Variants in STAB2 observed in about 807,000 individuals in gnomAD.
STAB2 encodes the protein stabilin 2.
STAB2 carries 288 observed loss-of-function variants against 338.1 expected under a neutral mutation model. That is an observed-to-expected ratio of 0.85 (90% CI 0.77 to 0.94). The LOEUF (loss-of-function observed/expected upper bound fraction) is 0.94. Among genes scored for constraint, STAB2 ranks in the 40% least tolerant of loss-of-function variants. The pLI, the probability that STAB2 is intolerant of heterozygous loss-of-function variation, is 0.00. For missense variants in STAB2, 3,141 were observed against 3,210.1 expected, an observed-to-expected ratio of 0.98 and a Z score of 0.52; for synonymous variants, 1,202 against 1,193.3, an observed-to-expected ratio of 1.01 and a Z score of -0.15.
chr12:103,765,086 CAAAAAAAA>C (rs56002429), intron 68 of STAB2, among the ~76,000 whole-genome samples: 11 of 66,514 alleles, frequency 1.7e-4, no homozygotes, highest in African/African-American at 4.7e-4. Flanking sequence ...GACTCTGTCT[CAAAAAAAA>C]AAAAAAAAAA....
At chr12:103,650,156 C>T (rs748199501) in intron 10 of STAB2, among the ~76,000 whole-genome samples, 6 of 152,080 alleles carry the variant, frequency 3.9e-5, no homozygotes, top group Admixed American at 2.0e-4. Flanking sequence ...CTTTGCTCAC[C>T]GAGACAGTGA....
In STAB2 at chr12:103,637,095, C is replaced by T; in HGVS notation, c.584-16C>T. On this transcript the variant is annotated splice_polypyrimidine_tract_variant and intron_variant, in intron 6 of 68. Coordinates refer to ENST00000388887, the MANE Select transcript of STAB2 (RefSeq NM_017564.10). ...TATTCTACTAATGCAAGTACTTCAA[C>T]AATTTTCCTATGCAGCCATCCCTGA... 6.3e-7 allele frequency: 1 copy of T among 1,590,072 alleles called. No individual in the cohort carries two copies. Among genetic ancestry groups the T allele is most frequent in the African/African-American group, 1.4e-5 (1 of 73,732 alleles).
chr12:103,652,794 G>A, intron 12 of STAB2, 89 bp downstream of exon 12: 1 of 1,393,378 alleles, frequency 7.2e-7, no homozygotes. Context: ...TTTGGGGTTT[G>A]TGAAAAATTA....
At position 103,759,215 on chromosome 12, in the gene STAB2, T is replaced by C. The variant is rs774788058; in HGVS notation, c.7190T>C (p.Leu2397Pro). The stretch of plus-strand genomic sequence containing the variant: ...AATGACCTTGTCAATGGCACCACCC[T>C]GCAAACGAGGCTGGGAAGCAAGCTG... ...FYNDLVNGTTLQTRLGSKLLI... is the reference protein window; with the variant it reads ...FYNDLVNGTTPQTRLGSKLLI... The change falls in exon 65 of 69, where the codon CTG becomes CCG. Residue 2397 changes from leucine (L) to proline (P), a missense_variant. Leu to Pro is a moderately conservative substitution (Grantham distance 98). Coordinates refer to ENST00000388887, the MANE Select transcript of STAB2 (RefSeq NM_017564.10). The C allele has an allele frequency of 2.0e-5, 32 of 1,614,048 alleles. No individual in the cohort carries two copies. The highest frequency in any genetic ancestry group is 2.7e-5 in the African/African-American group (2 of 74,902).
intron 31 of STAB2, among the ~76,000 whole-genome samples, chr12:103,694,084 C>T (rs1444959702): frequency 6.6e-6 from 1 of 152,088 alleles, no homozygotes; most frequent in African/African-American, 2.4e-5. Flanking sequence ...CCTTCTCTAT[C>T]TGTCAATTGG....
chr12:103,757,952 T>C, intron 63 of STAB2: 1 of 610,580 alleles, frequency 1.6e-6, no homozygotes, highest in Non-Finnish European at 2.8e-6. Context: ...GGATGGGCTG[T>C]GACGTGGCTG....
At position 103,710,578 on chromosome 12, in the gene STAB2, G is replaced by A. The variant is rs146544317; in HGVS notation, c.4289-893G>A. On this transcript the variant is annotated intron_variant, in intron 39 of 68. Coordinates refer to ENST00000388887, the MANE Select transcript of STAB2 (RefSeq NM_017564.10). ...CCAATTAATTGAAGTTGGCTCAAAGGTTTAGAGCAGGTTCCAGAGAAAAGG... is the reference window on the plus strand; with the variant it reads ...CCAATTAATTGAAGTTGGCTCAAAGATTTAGAGCAGGTTCCAGAGAAAAGG... 1.7e-3 allele frequency among the ~76,000 whole-genome samples: 266 copies of A among 152,296 alleles called. 1 individual carries two copies. Among genetic ancestry groups the A allele is most frequent in the African/African-American group, 5.9e-3 (247 of 41,548 alleles).
intron 5 of STAB2, among the ~76,000 whole-genome samples, chr12:103,626,194 G>A (rs1957378413): frequency 6.6e-6 from 1 of 152,312 alleles, no homozygotes; most frequent in Middle Eastern, 3.4e-3. Context: ...CCATACAGTA[G>A]CCACTAGCCA....
rs1223047808 is a variant in STAB2, at chr12:103,688,044, C to T, written c.2998-124C>T. The T allele has an allele frequency of 1.1e-5, 10 of 887,918 alleles. No individual in the cohort carries two copies. In the East Asian group the frequency reaches 2.2e-4, roughly 19 times the overall value. The allele number at this position is 887,918 out of a possible 1,614,324, so 55.0% of individuals were successfully genotyped here. A position where few individuals can be genotyped will look rare whatever the true frequency, so the allele number is the denominator to read the frequency against. On this transcript the variant is annotated intron_variant, in intron 27 of 68. Coordinates refer to ENST00000388887, the MANE Select transcript of STAB2 (RefSeq NM_017564.10). ...GCATCAGGGAGGCAGGCCAGGACAA[C>T]GAGCCTAGCCCCAGGAAGGCTGAGT...
chr12:103,725,195 C>T lies in STAB2; in HGVS notation c.4803+101C>T, dbSNP rs554500894. On this transcript the variant is annotated intron_variant, in intron 45 of 68. Coordinates refer to ENST00000388887, the MANE Select transcript of STAB2 (RefSeq NM_017564.10). The stretch of plus-strand genomic sequence containing the variant: ...TTTAAGAGCTTGGTGAAATGTAAAG[C>T]GCTATAAAAATATGAAAGGCAATTT... 1.1e-4 allele frequency: 160 copies of T among 1,496,506 alleles called. 2 individuals carry two copies. In the South Asian group the frequency reaches 1.7e-3, roughly 16 times the overall value. The allele number at this position is 1,496,506 out of a possible 1,614,324, so 92.7% of individuals were successfully genotyped here. A position where few individuals can be genotyped will look rare whatever the true frequency, so the allele number is the denominator to read the frequency against.
intron 39 of STAB2, among the ~76,000 whole-genome samples, chr12:103,710,065 G>A (rs1284944824): frequency 1.3e-5 from 2 of 151,994 alleles, no homozygotes; most frequent in Non-Finnish European, 2.9e-5. Context: ...TAGCCTTGTG[G>A]TCTCTTTGTT....
chr12:103,730,615 C>G (rs1478058964), intron 49 of STAB2, among the ~76,000 whole-genome samples: 1 of 152,116 alleles, frequency 6.6e-6, no homozygotes, highest in Non-Finnish European at 1.5e-5. Flanking sequence ...AGGTCTTCCA[C>G]AGCAGAACAC....
chr12:103,630,412 A>G (rs911867876), intron 5 of STAB2, among the ~76,000 whole-genome samples: 1 of 152,232 alleles, frequency 6.6e-6, no homozygotes. Context: ...TTGAGCTAAC[A>G]TTAAGTTGGC....
rs150052521 is a variant in STAB2, at chr12:103,703,163, G to A, written c.3730G>A (p.Ala1244Thr). ...TTGTTCACAGCTCTATGTAAATGAG[G>A]CTCCAATAAACTACACCAATGTAGC... is the stretch of plus-strand genomic sequence containing the variant. The part of the protein sequence containing the change: ...LHNDQLYVNE[A>T]PINYTNVATD... Residue 1244 changes from alanine to threonine, a missense_variant, in exon 35 of 69, where the codon GCT (alanine) becomes ACT (threonine). Transcript: ENST00000388887. The A allele has an allele frequency of 6.2e-6, 10 of 1,613,380 alleles. No homozygotes were observed. Among genetic ancestry groups the A allele is most frequent in the Non-Finnish European group, 7.6e-6 (9 of 1,179,952 alleles).
intron 5 of STAB2, among the ~76,000 whole-genome samples, chr12:103,624,795 G>T (rs146871776): frequency 6.6e-6 from 1 of 151,996 alleles, no homozygotes; most frequent in Admixed American, 6.6e-5. Context: ...AAAATTAGCC[G>T]TGTGTGGTGG....
intron 26 of STAB2, 47 bp downstream of exon 26, chr12:103,683,347 AC>A (rs1217832204): frequency 7.1e-5 from 101 of 1,429,642 alleles, no homozygotes; most frequent in Non-Finnish European, 9.1e-5. Context: ...AAAAAAAAAA[AC>A]AATGCTTGAG....
At chr12:103,668,273 G>A (rs1414758391) in intron 19 of STAB2, among the ~76,000 whole-genome samples, 3 of 152,058 alleles carry the variant, frequency 2.0e-5, no homozygotes, top group Admixed American at 6.5e-5. Context: ...GACCCTTTGG[G>A]GGCTCCAAAA....
intron 58 of STAB2, 112 bp from the exon 59 acceptor site, chr12:103,748,851 G>A (rs773688196): frequency 2.3e-5 from 26 of 1,111,224 alleles, no homozygotes; most frequent in African/African-American, 2.2e-4. Context: ...GAACACGCAG[G>A]GGCCCATTTA....
At chr12:103,755,754 G>A (rs867594849) in intron 63 of STAB2, 36 bp downstream of exon 63, 1 of 1,606,580 alleles carries the variant, frequency 6.2e-7, no homozygotes, top group Non-Finnish European at 8.5e-7. Context: ...CCTCAGGCAG[G>A]GAGGGGTTGC....
Sources: gnomAD v4.1 joint callset for allele counts (sites outside exome capture counted in the v4.1 genomes callset) on GRCh38, gnomAD v4.1.1 for gene constraint, MANE v1.5 for transcripts, NCBI Gene and HGNC (gene_info 2026-07-23, HGNC 2026-07-21) for gene names.